The following PKP4 variants were observed in gnomAD, a reference collection of about 807,000 sequenced individuals.
PKP4 encodes the protein plakophilin-4.
PKP4 carries 90 observed loss-of-function variants against 145.1 expected under a neutral mutation model. That is an observed-to-expected ratio of 0.62 (90% CI 0.52 to 0.74). The LOEUF (loss-of-function observed/expected upper bound fraction) is 0.74, where lower values mean the gene tolerates loss of function less well. Among genes scored for constraint, PKP4 ranks in the 30% least tolerant of loss-of-function variants. The pLI, the probability that PKP4 is intolerant of heterozygous loss-of-function variation, is 0.00. For synonymous variants in PKP4, 563 were observed against 577.2 expected, an observed-to-expected ratio of 0.98 and a Z score of 0.35; for missense variants, 1,340 against 1,482.7, an observed-to-expected ratio of 0.90 and a Z score of 1.58.
At chr2:158,476,973 A>G (rs1489353734) in intron 1 of PKP4, among the ~76,000 whole-genome samples, 4 of 152,200 alleles carry the variant, frequency 2.6e-5, no homozygotes, top group African/African-American at 7.2e-5. Context: ...TATTTAAAAC[A>G]TTTACAAAGA....
chr2:158,677,287 G>T lies in PKP4; in HGVS notation c.3256+420G>T, dbSNP rs185850581. 4.6e-3 allele frequency: 1,117 copies of T among 240,788 alleles called. 4 individuals carry two copies. Among genetic ancestry groups the T allele is most frequent in the Middle Eastern group, 9.3e-3 (6 of 644 alleles). The allele number at this position is 240,788 out of a possible 1,614,324, so 14.9% of individuals were successfully genotyped here. A position where few individuals can be genotyped will look rare whatever the true frequency, so the allele number is the denominator to read the frequency against. ...GCTCATCTCTTAAATTCAAACCAGA[G>T]AATGGAGATCAATTTCATTTACATT... On this transcript the variant is annotated intron_variant, in intron 20 of 21. Transcript: ENST00000389759.
chr2:158,676,609 T>C (rs975514103), intron 19 of PKP4, 130 bp from the exon 20 acceptor site: 3 of 1,106,138 alleles, frequency 2.7e-6, no homozygotes, highest in East Asian at 2.4e-5. Context: ...ACCTCTGAGA[T>C]ATTTTCAGCA....
Position 158,658,163 on chromosome 2 carries a change from G to A in PKP4, c.1942G>A (p.Val648Ile). The change falls in exon 12 of 22, where the codon GTA becomes ATA. Residue 648 changes from valine (V) to isoleucine (I), a missense_variant. By Grantham distance (29) the Val-to-Ile change is conservative (BLOSUM62 3). Transcript: ENST00000389759. ...VLWNLSSCDA[V>I]KMTIIRDALS... is the part of the protein sequence containing the mutation. ...TTGGAATTTATCCTCATGTGATGCT[G>A]TAAAAATGACAATCATTCGAGATGC... The A allele has an allele frequency of 6.2e-7, 1 of 1,605,844 alleles. No individual in the cohort carries two copies. Among genetic ancestry groups the A allele is most frequent in the South Asian group, 1.1e-5 (1 of 90,030 alleles).
At chr2:158,641,201 G>A (rs192294442) in intron 10 of PKP4, among the ~76,000 whole-genome samples, 75 of 152,210 alleles carry the variant, frequency 4.9e-4, no homozygotes, top group African/African-American at 1.7e-3. Flanking sequence ...GCTGGACATG[G>A]TGGTGCATGG....
chr2:158,554,668 G>T (rs555873760), intron 2 of PKP4, among the ~76,000 whole-genome samples: 1 of 152,020 alleles, frequency 6.6e-6, no homozygotes, highest in African/African-American at 2.4e-5. Context: ...CTCGTGATCC[G>T]CCTGCGTCAG....
At chr2:158,596,270 G>A (rs536482291) in intron 3 of PKP4, among the ~76,000 whole-genome samples, 1 of 152,298 alleles carries the variant, frequency 6.6e-6, no homozygotes, top group East Asian at 1.9e-4. Flanking sequence ...GAGAAATGCA[G>A]TTTGGAACTT....
At position 158,663,252 on chromosome 2, in the gene PKP4, G is replaced by A. The variant is rs182835900; in HGVS notation, c.2404-20G>A. ...CATGTTCATTCTGCCTCCATTTAAC[G>A]TGTGCTGTTTGTCTTTCAGTGGGAT... On this transcript the variant is annotated intron_variant, in intron 14 of 21. Coordinates refer to ENST00000389759, the MANE Select transcript of PKP4 (RefSeq NM_003628.6). 869 of 1,607,794 alleles carry A rather than the reference G, an allele frequency of 5.4e-4. 6 individuals are homozygous for A. In the African/African-American group the frequency reaches 9.6e-3, roughly 18 times the overall value.
intron 1 of PKP4, among the ~76,000 whole-genome samples, chr2:158,487,766 A>T (rs1694374764): frequency 6.6e-6 from 1 of 151,706 alleles, no homozygotes; most frequent in Non-Finnish European, 1.5e-5. Context: ...TGATGGTGAA[A>T]GAAAGACTGA....
At chr2:158,628,915 C>T (rs1291066160) in intron 7 of PKP4, among the ~76,000 whole-genome samples, 2 of 152,140 alleles carry the variant, frequency 1.3e-5, no homozygotes, top group African/African-American at 4.8e-5. Flanking sequence ...GTGTCTTGCA[C>T]TGAGTCGTGA....
intron 1 of PKP4, among the ~76,000 whole-genome samples, chr2:158,526,653 G>A (rs965620979): frequency 2.5e-4 from 24 of 95,980 alleles, no homozygotes; most frequent in African/African-American, 1.0e-3. Flanking sequence ...GGCAGGAGAA[G>A]GAAATAAAGG....
At chr2:158,515,304 A>T (rs1354509262) in intron 1 of PKP4, among the ~76,000 whole-genome samples, 3 of 152,112 alleles carry the variant, frequency 2.0e-5, no homozygotes, top group African/African-American at 7.2e-5. Flanking sequence ...TCATTTATTC[A>T]TTTACTTTCA....
At chr2:158,513,251 T>C (rs1035002599) in intron 1 of PKP4, among the ~76,000 whole-genome samples, 1 of 152,192 alleles carries the variant, frequency 6.6e-6, no homozygotes, top group African/African-American at 2.4e-5. Context: ...TTTCCGGTCT[T>C]ATCCTCATTT....
chr2:158,630,049 A>G (rs888208291), intron 7 of PKP4, among the ~76,000 whole-genome samples: 1 of 151,518 alleles, frequency 6.6e-6, no homozygotes, highest in East Asian at 1.9e-4. Flanking sequence ...CCTTTTTATA[A>G]TTACTTACTT....
At chr2:158,663,558 A>C in intron 15 of PKP4, 113 bp downstream of exon 15, 1 of 873,802 alleles carries the variant, frequency 1.1e-6, no homozygotes, top group African/African-American at 1.7e-5. Context: ...AAAGGGTCAC[A>C]GCTACTTAGC....
At chr2:158,616,170 A>C (rs2051593073) in intron 4 of PKP4, among the ~76,000 whole-genome samples, 4 of 152,184 alleles carry the variant, frequency 2.6e-5, no homozygotes, top group Non-Finnish European at 5.9e-5. Context: ...TGTTTCCGTC[A>C]CCCTGAAACA....
At position 158,636,654 on chromosome 2, in the gene PKP4, G is replaced by A. The variant is rs1040439064; in HGVS notation, c.1562+2365G>A. ...TTCTAGGACTTGAATTAAACACATA[G>A]GATCACTTTATTATTTTGCAGATTA... On this transcript the variant is annotated intron_variant, in intron 9 of 21. Transcript: ENST00000389759. Among the ~76,000 whole-genome samples, 8 of 151,938 alleles carry A rather than the reference G, an allele frequency of 5.3e-5. No homozygotes were observed. In the South Asian group the frequency reaches 1.2e-3, roughly 24 times the overall value.
rs1200038125 is a variant in PKP4 at position 158,662,944 on chromosome 2, G to A, written c.2259G>A (p.Leu753=). 2.5e-6 allele frequency: 4 copies of A among 1,613,254 alleles called. No individual in the cohort carries two copies. The highest frequency in any genetic ancestry group is 3.4e-6 in the Non-Finnish European group (4 of 1,179,832). ...CCCTGAGGAACCTGTCCTATCGGCT[G>A]GAGCTGGAGGTGCCCCAGGCCCGGT... is the stretch of plus-strand genomic sequence containing the variant. The part of the protein sequence containing the change: ...VCTLRNLSYR[L]ELEVPQARLL... Residue 753 remains leucine (L), a synonymous_variant, in exon 14 of 22, where the codon CTG becomes CTA. Coordinates refer to ENST00000389759, the MANE Select transcript of PKP4 (RefSeq NM_003628.6).
chr2:158,539,277 A>G (rs2044318924), intron 2 of PKP4, among the ~76,000 whole-genome samples: 1 of 152,246 alleles, frequency 6.6e-6, no homozygotes, highest in Admixed American at 6.5e-5. Context: ...TTACATAGAT[A>G]TCTTAGCTTC....
chr2:158,668,437 A>G (rs2105998992), intron 16 of PKP4, among the ~76,000 whole-genome samples: 1 of 152,356 alleles, frequency 6.6e-6, no homozygotes, highest in South Asian at 2.1e-4. Flanking sequence ...ACTTCATAAA[A>G]GTTACTACAT....
Sources: gnomAD v4.1 joint callset for allele counts (sites outside exome capture counted in the v4.1 genomes callset) on GRCh38, gnomAD v4.1.1 for gene constraint, MANE v1.5 for transcripts, NCBI Gene and HGNC (gene_info 2026-07-23, HGNC 2026-07-21) for gene names.